Variants in GAB1 observed in about 807,000 individuals in gnomAD.
GAB1 encodes the protein GRB2 associated binding protein 1.
GAB1 carries 19 observed loss-of-function variants against 66.5 expected under a neutral mutation model. The observed-to-expected ratio is 0.29, with a 90% confidence interval of 0.20 to 0.42. GAB1 has a LOEUF of 0.42. Among genes scored for constraint, GAB1 ranks in the 10% least tolerant of loss-of-function variants. The pLI, the probability that GAB1 is intolerant of heterozygous loss-of-function variation, is 1.00. For synonymous variants in GAB1, 294 were observed against 301.4 expected (o/e 0.98, Z 0.25); for missense variants, 732 against 858.5 (o/e 0.85, Z 1.84).
chr4:143,395,697 A>G (rs1731411224), intron 1 of GAB1: 3 of 329,940 alleles, frequency 9.1e-6, no homozygotes, highest in African/African-American at 2.2e-5. Flanking sequence ...AGGGCATTAT[A>G]ATAAATATGA....
chr4:143,465,903 A>G, intron 8 of GAB1, 200 bp from the exon 9 acceptor site: 1 of 429,972 alleles, frequency 2.3e-6, no homozygotes, highest in Non-Finnish European at 4.1e-6. Flanking sequence ...AACTTTTGAA[A>G]CTACGTTTAG....
intron 8 of GAB1, among the ~76,000 whole-genome samples, chr4:143,461,338 C>A (rs1375271089): frequency 6.6e-6 from 1 of 152,100 alleles, no homozygotes; most frequent in African/African-American, 2.4e-5. Flanking sequence ...TAGAGAGAGT[C>A]AATCCAAGGC....
chr4:143,434,219 TA>T, intron 3 of GAB1: 1 of 924,024 alleles, frequency 1.1e-6, no homozygotes, highest in South Asian at 1.5e-5. Context: ...AATCATAAGG[TA>T]AAATCCCAAT....
chr4:143,349,955 G>C, intron 1 of GAB1: 1 of 1,590,434 alleles, frequency 6.3e-7, no homozygotes, highest in Non-Finnish European at 8.6e-7. Flanking sequence ...TTGACCAAGC[G>C]GCCCAACTTG....
intron 4 of GAB1, 96 bp from the exon 5 acceptor site, chr4:143,439,706 C>T: frequency 1.3e-6 from 1 of 776,130 alleles, no homozygotes; most frequent in Non-Finnish European, 2.3e-6. Flanking sequence ...TGTGTGTATG[C>T]ATATGTATAA....
At position 143,440,061 on chromosome 4, in the gene GAB1, A is replaced by AAT. The variant is rs1734140108; in HGVS notation, c.1282-11_1282-10dup. The AAT allele has an allele frequency of 1.9e-6, 3 of 1,594,188 alleles. No homozygotes were observed. The highest frequency in any genetic ancestry group is 1.1e-5 in the South Asian group (1 of 88,696). On this transcript the variant is annotated splice_polypyrimidine_tract_variant and intron_variant, in intron 5 of 9. Coordinates refer to ENST00000262994, the MANE Select transcript of GAB1 (RefSeq NM_002039.4). ...ACAAGAGTTTTTGTTTATTAAAAGA[A>AAT]ATATATATGTGTTTTAGAAAGTCAA... is the stretch of plus-strand genomic sequence containing the variant.
At chr4:143,459,275 T>C in intron 6 of GAB1, 110 bp from the exon 7 acceptor site, 1 of 702,852 alleles carries the variant, frequency 1.4e-6, no homozygotes, top group South Asian at 1.6e-5. Flanking sequence ...AACTAGGTGG[T>C]CTTAGGTTTA....
intron 2 of GAB1, among the ~76,000 whole-genome samples, chr4:143,420,754 C>T (rs1460687314): frequency 1.3e-5 from 2 of 151,954 alleles, no homozygotes; most frequent in South Asian, 2.1e-4. Context: ...ATGCCCAGAT[C>T]ATAGTGGCTT....
At chr4:143,340,489 CAAAA>C in intron 1 of GAB1, among the ~76,000 whole-genome samples, 1 of 151,764 alleles carries the variant, frequency 6.6e-6, no homozygotes, top group South Asian at 2.1e-4. Context: ...TTTTAAGTGA[CAAAA>C]AAATTGTTTT....
intron 6 of GAB1, among the ~76,000 whole-genome samples, chr4:143,451,487 G>C (rs992468519): frequency 3.4e-4 from 51 of 152,022 alleles, no homozygotes; most frequent in African/African-American, 1.2e-3. Context: ...TAAACTTTAA[G>C]ATTTATATAT....
intron 2 of GAB1, chr4:143,426,093 A>G: frequency 1.9e-6 from 1 of 513,300 alleles, no homozygotes; most frequent in Non-Finnish European, 3.4e-6. Context: ...GAGTATAGTA[A>G]AGATAAAAAG....
chr4:143,391,032 C>G (rs902804390), intron 1 of GAB1, among the ~76,000 whole-genome samples: 1 of 152,176 alleles, frequency 6.6e-6, no homozygotes, highest in South Asian at 2.1e-4. Flanking sequence ...GCCAGAGAGG[C>G]TGAGTGGTAT....
At chr4:143,461,969 A>G (rs758401335) in intron 8 of GAB1, among the ~76,000 whole-genome samples, 1 of 152,122 alleles carries the variant, frequency 6.6e-6, no homozygotes, top group Non-Finnish European at 1.5e-5. Flanking sequence ...ATATTACCAA[A>G]TTTAGCCAGG....
At chr4:143,468,087 T>C (rs1735885986) in intron 9 of GAB1, among the ~76,000 whole-genome samples, 1 of 152,276 alleles carries the variant, frequency 6.6e-6, no homozygotes, top group East Asian at 1.9e-4. Context: ...TTCTCAGAGG[T>C]TGAGAGACAG....
intron 1 of GAB1, among the ~76,000 whole-genome samples, chr4:143,339,511 A>AGTTG (rs1728760338): frequency 6.6e-6 from 1 of 152,246 alleles, no homozygotes; most frequent in Admixed American, 6.5e-5. Context: ...ACTCCGTCTC[A>AGTTG]AAAATAGCAA....
At chr4:143,364,753 A>G (rs930545011) in intron 1 of GAB1, among the ~76,000 whole-genome samples, 1 of 147,742 alleles carries the variant, frequency 6.8e-6, no homozygotes, top group Non-Finnish European at 1.5e-5. Context: ...TTGCTTGTTC[A>G]CTCCCCGCGT....
intron 9 of GAB1, among the ~76,000 whole-genome samples, chr4:143,466,558 T>C (rs1735803205): frequency 1.4e-5 from 2 of 146,256 alleles, no homozygotes; most frequent in Admixed American, 1.4e-4. Flanking sequence ...AGTGTGATCT[T>C]GGCTCACTGC....
At chr4:143,343,468 G>A (rs1179889152) in intron 1 of GAB1, 2 of 154,812 alleles carry the variant, frequency 1.3e-5, no homozygotes, top group Admixed American at 1.3e-4. Flanking sequence ...CTGGCTCAGA[G>A]TAGGAGCTCA....
At chr4:143,401,530 ATATC>A (rs1204773769) in intron 1 of GAB1, among the ~76,000 whole-genome samples, 1 of 152,200 alleles carries the variant, frequency 6.6e-6, no homozygotes, top group Admixed American at 6.5e-5. Flanking sequence ...AAGTAAATAA[ATATC>A]TAGTGTTTTT....
Sources: allele counts gnomAD v4.1 joint callset (sites outside exome capture counted in the v4.1 genomes callset), GRCh38; gene constraint gnomAD v4.1.1; transcripts MANE v1.5; gene names NCBI Gene and HGNC (gene_info 2026-07-23, HGNC 2026-07-21).